The following SHISA9 variants were observed in gnomAD, a reference collection of about 807,000 sequenced individuals.
SHISA9 encodes protein shisa-9.
SHISA9 carries 13 observed loss-of-function variants against 38.0 expected under a neutral mutation model. The ratio of observed to expected loss-of-function variants is 0.34; its 90% CI spans 0.22 to 0.54. The LOEUF is 0.54. Among genes scored for constraint, SHISA9 ranks in the 20% least tolerant of loss-of-function variants. SHISA9 has a pLI of 0.91. For missense variants in SHISA9, 538 were observed against 575.8 expected, an observed-to-expected ratio of 0.93 and a Z score of 0.67; for synonymous variants, 275 against 242.0, an observed-to-expected ratio of 1.14 and a Z score of -1.27.
chr16:13,320,894 A>G, the SHISA9 span, among the ~76,000 whole-genome samples: 1 of 152,204 alleles, frequency 6.6e-6, no homozygotes, highest in African/African-American at 2.4e-5. Flanking sequence ...TCTCTAAACT[A>G]TCTTCATTCT....
chr16:13,507,694 T>C, the SHISA9 span, among the ~76,000 whole-genome samples: 3 of 152,184 alleles, frequency 2.0e-5, no homozygotes, highest in African/African-American at 7.2e-5. Flanking sequence ...TCAAACACAG[T>C]GAGAGGAGAC....
At chr16:12,941,639 T>C (rs1385507364) in intron 2 of SHISA9, among the ~76,000 whole-genome samples, 3 of 152,176 alleles carry the variant, frequency 2.0e-5, no homozygotes, top group Admixed American at 6.5e-5. Context: ...CAGGCTCACC[T>C]GAGGTCAGTT....
the SHISA9 span, among the ~76,000 whole-genome samples, chr16:13,407,594 T>C: frequency 6.6e-6 from 1 of 152,178 alleles, no homozygotes; most frequent in Non-Finnish European, 1.5e-5. Flanking sequence ...TTCCTTCTTT[T>C]TTGACAGTAG....
chr16:13,469,354 GAAAGAAAAGAA>G, the SHISA9 span, among the ~76,000 whole-genome samples: 5 of 101,262 alleles, frequency 4.9e-5, no homozygotes, highest in African/African-American at 1.8e-4. Flanking sequence ...AAGAAAGAAA[GAAAGAAAAGAA>G]AAAGAAAGAA....
intron 2 of SHISA9, among the ~76,000 whole-genome samples, chr16:13,066,465 T>A (rs947056327): frequency 1.1e-4 from 17 of 152,234 alleles, no homozygotes; most frequent in Non-Finnish European, 2.4e-4. Context: ...ACCATCTTTT[T>A]GTTGTTGTTG....
intron 2 of SHISA9, among the ~76,000 whole-genome samples, chr16:13,143,676 A>G (rs1005100698): frequency 6.6e-6 from 1 of 152,236 alleles, no homozygotes; most frequent in Non-Finnish European, 1.5e-5. Context: ...CCAGCCATCA[A>G]ACAGACAATG....
chr16:13,552,723 T>A, the SHISA9 span, among the ~76,000 whole-genome samples: 1 of 152,110 alleles, frequency 6.6e-6, no homozygotes, highest in African/African-American at 2.4e-5. Context: ...AGATTTTTTT[T>A]AAAGCCTTAT....
the SHISA9 span, among the ~76,000 whole-genome samples, chr16:13,348,448 A>T: frequency 6.6e-6 from 1 of 152,126 alleles, no homozygotes; most frequent in Admixed American, 6.5e-5. Context: ...CACATGAGGC[A>T]TGTACTATTA....
At chr16:12,906,836 G>A (rs554381431) in intron 1 of SHISA9, among the ~76,000 whole-genome samples, 4 of 152,210 alleles carry the variant, frequency 2.6e-5, no homozygotes, top group Admixed American at 2.0e-4. Context: ...GGCGTCTCTG[G>A]TCTCTGCCCA....
chr16:13,393,631 C>G, the SHISA9 span, among the ~76,000 whole-genome samples: 3 of 152,144 alleles, frequency 2.0e-5, no homozygotes, highest in Non-Finnish European at 2.9e-5. Flanking sequence ...GTTGTTAGTC[C>G]TATCAGGGAC....
the SHISA9 span, among the ~76,000 whole-genome samples, chr16:13,367,693 T>C: frequency 2.5e-5 from 2 of 80,286 alleles, no homozygotes; most frequent in African/African-American, 4.1e-5. Flanking sequence ...TACACGCGTG[T>C]GCGTGCGCGC....
the SHISA9 span, among the ~76,000 whole-genome samples, chr16:13,443,061 C>T: frequency 6.6e-6 from 1 of 152,218 alleles, no homozygotes; most frequent in Non-Finnish European, 1.5e-5. Context: ...ACCAGACTCA[C>T]AAGACGGCCC....
At chr16:13,331,352 A>T in the SHISA9 span, 1 of 151,994 alleles carries the variant, frequency 6.6e-6, no homozygotes, top group South Asian at 2.1e-4. Context: ...TGATGGAAAC[A>T]TTTTAAAAAC....
intron 2 of SHISA9, among the ~76,000 whole-genome samples, chr16:13,183,868 C>A (rs2050797639): frequency 6.6e-6 from 1 of 152,098 alleles, no homozygotes; most frequent in South Asian, 2.1e-4. Flanking sequence ...CAGTTAGTGA[C>A]CATGGATTGG....
the SHISA9 span, among the ~76,000 whole-genome samples, chr16:13,275,380 T>C: frequency 3.3e-5 from 5 of 152,284 alleles, no homozygotes; most frequent in East Asian, 9.6e-4. Flanking sequence ...AAGGTCAATA[T>C]GGTTCTGATT....
At chr16:13,054,287 G>C (rs2141902495) in intron 2 of SHISA9, among the ~76,000 whole-genome samples, 1 of 152,288 alleles carries the variant, frequency 6.6e-6, no homozygotes, top group South Asian at 2.1e-4. Flanking sequence ...CAGGGTGGAT[G>C]CAAAGGTGAA....
At chr16:13,178,023 T>G (rs1047688267) in intron 2 of SHISA9, among the ~76,000 whole-genome samples, 1 of 152,174 alleles carries the variant, frequency 6.6e-6, no homozygotes, top group South Asian at 2.1e-4. Flanking sequence ...GCTTTGCACA[T>G]AGAGATATTT....
the SHISA9 span, among the ~76,000 whole-genome samples, chr16:13,483,514 A>G: frequency 6.6e-6 from 1 of 152,314 alleles, no homozygotes; most frequent in East Asian, 1.9e-4. Context: ...GATTTTGACC[A>G]CAATCCATGG....
chr16:13,129,364 TCTC>T (rs2050288065), intron 2 of SHISA9, among the ~76,000 whole-genome samples: 1 of 152,170 alleles, frequency 6.6e-6, no homozygotes. Flanking sequence ...GCTCCACTAT[TCTC>T]CTAAGTTCTT....
Sources: allele counts gnomAD v4.1 joint callset (sites outside exome capture counted in the v4.1 genomes callset), GRCh38; gene constraint gnomAD v4.1.1; transcripts MANE v1.5; gene names NCBI Gene and HGNC (gene_info 2026-07-23, HGNC 2026-07-21).